Variants in ARHGEF38 observed in about 807,000 individuals in gnomAD.
ARHGEF38 encodes the protein Rho guanine nucleotide exchange factor (GEF) 38.
Under a neutral mutation model 79.9 loss-of-function variants are expected in ARHGEF38, and 79 were observed. The observed-to-expected ratio is 0.99, with a 90% CI of 0.82 to 1.19. ARHGEF38 has a LOEUF of 1.19. ARHGEF38 is among the 50% of genes most tolerant of loss of function. ARHGEF38 has a pLI of 0.00. For missense variants in ARHGEF38, 962 were observed against 907.2 expected, an observed-to-expected ratio of 1.06 and a Z score of -0.78; for synonymous variants, 366 against 328.3, an observed-to-expected ratio of 1.11 and a Z score of -1.24.
Position 105,631,010 on chromosome 4 carries a change from G to T in ARHGEF38, c.621G>T (p.Leu207=), listed in dbSNP as rs61757395. Residue 207 remains leucine, a synonymous_variant, in exon 4 of 14, where the codon CTG becomes CTT. Transcript: ENST00000420470. ...ILESYEKEEE[L]KEHLSHCIQS... ...AGTCCTATGAAAAGGAAGAAGAGCT[G>T]AAGGAACATTTGAGCCACTGTATCC... The T allele has an allele frequency of 9.2e-5, 148 of 1,613,806 alleles. No individual in the cohort carries two copies. The East Asian group carries it at 2.9e-3, about 32-fold the overall frequency.
At chr4:105,657,229 C>T (rs1017318816) in intron 9 of ARHGEF38, among the ~76,000 whole-genome samples, 1 of 152,032 alleles carries the variant, frequency 6.6e-6, no homozygotes, top group East Asian at 1.9e-4. Flanking sequence ...TATTGAGTAC[C>T]ACCTGAAAGT....
At chr4:105,661,715 A>G (rs1730572122) in intron 10 of ARHGEF38, among the ~76,000 whole-genome samples, 1 of 152,054 alleles carries the variant, frequency 6.6e-6, no homozygotes, top group Non-Finnish European at 1.5e-5. Context: ...TCAAGATATA[A>G]TCCCTTTCCA....
chr4:105,645,295 C>G lies in ARHGEF38; in HGVS notation c.782C>G (p.Ser261Cys). The part of the protein sequence containing the change: ...LCELRNSTPP[S>C]HPDYRALDDA... ...GAACTTCGGAATTCCACCCCTCCCTCTCACCCAGATTACAGAGCACTGGAC... is the reference window on the plus strand; with the variant it reads ...GAACTTCGGAATTCCACCCCTCCCTGTCACCCAGATTACAGAGCACTGGAC... Residue 261 changes from serine (S) to cysteine (C), a missense_variant, in exon 6 of 14, where the codon TCT (serine) becomes TGT (cysteine). Physicochemically the swap from Ser to Cys is moderately radical, Grantham distance 112 (BLOSUM62 -1). Coordinates refer to ENST00000420470, the MANE Select transcript of ARHGEF38 (RefSeq NM_001242729.2). The G allele has an allele frequency of 6.5e-7, 1 of 1,536,620 alleles. No homozygotes were observed. Among genetic ancestry groups the G allele is most frequent in the Non-Finnish European group, 8.7e-7 (1 of 1,146,986 alleles).
At chr4:105,652,599 A>G (rs1377076093) in intron 7 of ARHGEF38, among the ~76,000 whole-genome samples, 2 of 152,178 alleles carry the variant, frequency 1.3e-5, no homozygotes, top group Admixed American at 6.5e-5. Flanking sequence ...GCTTATAGGA[A>G]AGTAGAATTG....
intron 4 of ARHGEF38, among the ~76,000 whole-genome samples, chr4:105,631,866 T>C (rs1186835192): frequency 1.3e-5 from 2 of 152,196 alleles, no homozygotes; most frequent in African/African-American, 4.8e-5. Flanking sequence ...GTGGCTCTCT[T>C]ACAGACTCTC....
chr4:105,648,800 T>C, intron 7 of ARHGEF38, 118 bp downstream of exon 7: 1 of 1,006,116 alleles, frequency 9.9e-7, no homozygotes, highest in Non-Finnish European at 1.4e-6. Context: ...GTAATTGCCC[T>C]ATGCTGTTCT....
At chr4:105,557,092 T>A (rs3796917) in intron 1 of ARHGEF38, among the ~76,000 whole-genome samples, 109,449 of 151,906 alleles carry the variant, frequency 0.72, 40,957 homozygotes, top group Non-Finnish European at 0.84. Context: ...AGAAATTTAG[T>A]GGTTGAGTTG....
intron 3 of ARHGEF38, among the ~76,000 whole-genome samples, chr4:105,616,784 T>C (rs992240563): frequency 2.6e-5 from 4 of 152,186 alleles, no homozygotes; most frequent in African/African-American, 7.2e-5. Flanking sequence ...GATGGAAATA[T>C]GCTGAAGCAG....
chr4:105,659,028 A>C, intron 9 of ARHGEF38, 26 bp from the exon 10 acceptor site: 1 of 1,513,836 alleles, frequency 6.6e-7, no homozygotes, highest in Non-Finnish European at 8.8e-7. Context: ...CTCTCTCTGA[A>C]ATGGGCTCAT....
chr4:105,594,758 A>G lies in ARHGEF38; in HGVS notation c.384+5323A>G, dbSNP rs189573930. ...TGCTGTAAACTTTAATCTTAACTTCAAGGCTTTTCTATGTCAGACCTTTAC... is the reference window on the plus strand; with the variant it reads ...TGCTGTAAACTTTAATCTTAACTTCGAGGCTTTTCTATGTCAGACCTTTAC... On this transcript the variant is annotated intron_variant, in intron 2 of 13. Coordinates refer to ENST00000420470, the MANE Select transcript of ARHGEF38 (RefSeq NM_001242729.2). Among the ~76,000 whole-genome samples the G allele has an allele frequency of 1.1e-4, 17 of 152,272 alleles. 1 individual carries two copies. The highest frequency in any genetic ancestry group is 9.7e-4 in the East Asian group (5 of 5,178).
At chr4:105,602,332 C>A (rs59323788) in intron 2 of ARHGEF38, among the ~76,000 whole-genome samples, 1 of 152,148 alleles carries the variant, frequency 6.6e-6, no homozygotes, top group East Asian at 1.9e-4. Flanking sequence ...GAGATCTTTT[C>A]TGTAGGCAAC....
At chr4:105,617,267 G>A (rs1043221411) in intron 3 of ARHGEF38, among the ~76,000 whole-genome samples, 1 of 152,078 alleles carries the variant, frequency 6.6e-6, no homozygotes, top group African/African-American at 2.4e-5. Context: ...ACAAATATTA[G>A]TGGAGCACAG....
rs372889143 is a variant in ARHGEF38 at position 105,633,831 on chromosome 4, T to C, written c.657-2572T>C. On this transcript the variant is annotated intron_variant, in intron 4 of 13. Coordinates refer to ENST00000420470, the MANE Select transcript of ARHGEF38 (RefSeq NM_001242729.2). ...AAACAAAACCATGTGGAAAGTTTAATAACAATACAAGAATTAATTTAAATA... is the reference window on the plus strand; with the variant it reads ...AAACAAAACCATGTGGAAAGTTTAACAACAATACAAGAATTAATTTAAATA... 2.6e-5 allele frequency among the ~76,000 whole-genome samples: 4 copies of C among 152,176 alleles called. No homozygotes were observed. In the East Asian group the frequency reaches 5.8e-4, roughly 22 times the overall value.
At chr4:105,610,336 A>G (rs921699677) in intron 2 of ARHGEF38, among the ~76,000 whole-genome samples, 1 of 152,092 alleles carries the variant, frequency 6.6e-6, no homozygotes, top group African/African-American at 2.4e-5. Context: ...TCAGAAGAAA[A>G]TTTTAAAAAA....
Position 105,645,345 on chromosome 4 carries a change from A to G in ARHGEF38, c.832A>G (p.Ile278Val), listed in dbSNP as rs1235681407. The G allele has an allele frequency of 1.3e-6, 2 of 1,530,466 alleles. No homozygotes were observed. 94.8% of individuals were successfully genotyped at this position (1,530,466 alleles called of 1,614,324 possible). A position where few individuals can be genotyped will look rare whatever the true frequency, so the allele number is the denominator to read the frequency against. Reference sequence around the variant, plus strand: ...CGATGCCTTTGCTGCTGTGAAGGACATTAATGTTAACATCAATGAACTTAA... The same window carrying G: ...CGATGCCTTTGCTGCTGTGAAGGACGTTAATGTTAACATCAATGAACTTAA... ...LDDAFAAVKD[I>V]NVNINELKRR... Residue 278 changes from isoleucine to valine, a missense_variant, in exon 6 of 14, where the codon ATT becomes GTT. By Grantham distance (29) the Ile-to-Val change is conservative (BLOSUM62 3). Transcript: ENST00000420470.
intron 13 of ARHGEF38, among the ~76,000 whole-genome samples, chr4:105,676,983 A>C (rs1731145692): frequency 6.7e-6 from 1 of 149,500 alleles, no homozygotes; most frequent in Admixed American, 6.7e-5. Context: ...TTTTTTTTGG[A>C]GACAGAGTCT....
At chr4:105,655,236 T>C (rs759666990) in intron 8 of ARHGEF38, among the ~76,000 whole-genome samples, 51 of 152,298 alleles carry the variant, frequency 3.3e-4, no homozygotes, top group Non-Finnish European at 6.0e-4. Context: ...CATTTTCTCT[T>C]AAAGAGAGCA....
chr4:105,562,835 C>A (rs1053766557), intron 1 of ARHGEF38, among the ~76,000 whole-genome samples: 1 of 149,674 alleles, frequency 6.7e-6, no homozygotes, highest in Non-Finnish European at 1.5e-5. Context: ...CATTCTGTGA[C>A]CACCACCTGG....
chr4:105,563,495 T>C (rs1027346398), intron 1 of ARHGEF38: 1 of 152,224 alleles, frequency 6.6e-6, no homozygotes, highest in Non-Finnish European at 1.5e-5. Flanking sequence ...TGCAAATAAG[T>C]TATTGCCATA....
Sources: gnomAD v4.1 joint callset for allele counts (sites outside exome capture counted in the v4.1 genomes callset) on GRCh38, gnomAD v4.1.1 for gene constraint, MANE v1.5 for transcripts, NCBI Gene and HGNC (gene_info 2026-07-23, HGNC 2026-07-21) for gene names.